DLG2: variants seen among roughly 807,000 people sequenced by gnomAD.
The protein encoded by DLG2 is disks large homolog 2.
Under a neutral mutation model 132.5 loss-of-function variants are expected in DLG2, and 45 were observed. The ratio of observed to expected loss-of-function variants is 0.34; its 90% CI spans 0.27 to 0.44. DLG2 has a LOEUF of 0.44. Ranked by LOEUF, DLG2 falls within the 20% of genes least tolerant of loss-of-function variation. DLG2 has a pLI of 1.00. For synonymous variants in DLG2, 424 were observed against 419.6 expected (o/e 1.01, Z -0.13); for missense variants, 1,045 against 1,196.9 (o/e 0.87, Z 1.87).
Position 84,827,952 on chromosome 11 carries a change from T to C in DLG2, c.357+283709A>G, listed in dbSNP as rs1241734079. On this transcript the variant is annotated intron_variant, in intron 6 of 27. Coordinates refer to ENST00000376104, the MANE Select transcript of DLG2 (RefSeq NM_001142699.3). ...AGTAGAAAGGTGCATAGGTTTTTAT[T>C]TTACTATTATGCTTCATAATGTAGA... is the stretch of plus-strand genomic sequence containing the variant. Among the ~76,000 whole-genome samples, 17 of 151,762 alleles carry C rather than the reference T, an allele frequency of 1.1e-4. 1 individual carries two copies. Among genetic ancestry groups the C allele is most frequent in the Admixed American group, 9.2e-4 (14 of 15,188 alleles).
intron 5 of DLG2, among the ~76,000 whole-genome samples, chr11:85,141,689 T>C (rs1044792756): frequency 6.6e-6 from 1 of 151,908 alleles, no homozygotes; most frequent in Non-Finnish European, 1.5e-5. Context: ...TAGTTTCAGG[T>C]CTTATATTTA....
At chr11:84,608,703 G>A (rs1218060285) in intron 6 of DLG2, among the ~76,000 whole-genome samples, 2 of 152,146 alleles carry the variant, frequency 1.3e-5, no homozygotes, top group Non-Finnish European at 2.9e-5. Flanking sequence ...CTGTGGATGT[G>A]TCTGGTCACT....
intron 2 of DLG2, among the ~76,000 whole-genome samples, chr11:85,621,680 T>C (rs1359765846): frequency 1.3e-5 from 2 of 152,222 alleles, no homozygotes; most frequent in African/African-American, 4.8e-5. Flanking sequence ...AGCCTGAAGA[T>C]GTGACTGAAT....
intron 8 of DLG2, among the ~76,000 whole-genome samples, chr11:84,220,786 T>C (rs1418504974): frequency 1.0e-4 from 14 of 136,554 alleles, no homozygotes; most frequent in South Asian, 5.1e-4. Flanking sequence ...TTTTCTTTTT[T>C]TTTTTTTTTT....
intron 21 of DLG2, 60 bp downstream of exon 21, chr11:83,532,648 A>G (rs375799223): frequency 4.0e-5 from 58 of 1,468,138 alleles, no homozygotes; most frequent in Non-Finnish European, 3.6e-5. Context: ...TAAATGTGTT[A>G]ATTATAGTTA....
chr11:85,106,252 T>C (rs1320877758), intron 6 of DLG2, among the ~76,000 whole-genome samples: 1 of 151,874 alleles, frequency 6.6e-6, no homozygotes, highest in African/African-American at 2.4e-5. Flanking sequence ...TGTTTTTAAA[T>C]GAAAAGGAAA....
chr11:84,502,620 A>G (rs948710098), intron 7 of DLG2, among the ~76,000 whole-genome samples: 3 of 151,158 alleles, frequency 2.0e-5, no homozygotes, highest in Non-Finnish European at 4.4e-5. Flanking sequence ...CTAATTTCGA[A>G]CTCCTGGCCT....
At chr11:84,934,466 T>C (rs1260255370) in intron 6 of DLG2, among the ~76,000 whole-genome samples, 2 of 147,140 alleles carry the variant, frequency 1.4e-5, no homozygotes, top group East Asian at 4.1e-4. Context: ...TCTTTGTACA[T>C]CCTCTTTGTA....
At chr11:84,094,518 TATAAA>T (rs2097140348) in intron 10 of DLG2, among the ~76,000 whole-genome samples, 1 of 152,164 alleles carries the variant, frequency 6.6e-6, no homozygotes, top group African/African-American at 2.4e-5. Context: ...GTTGGGCTAT[TATAAA>T]ATAAAATATC....
chr11:83,950,596 A>C (rs987663686), intron 14 of DLG2, among the ~76,000 whole-genome samples: 2 of 152,242 alleles, frequency 1.3e-5, no homozygotes, highest in African/African-American at 2.4e-5. Flanking sequence ...CCTGTCTCAA[A>C]AAACAAACAA....
At chr11:84,430,939 T>C (rs981928769) in intron 7 of DLG2, among the ~76,000 whole-genome samples, 5 of 152,162 alleles carry the variant, frequency 3.3e-5, no homozygotes, top group Non-Finnish European at 1.5e-5. Flanking sequence ...CACAAGCCTC[T>C]AAGAAAGGGA....
intron 15 of DLG2, among the ~76,000 whole-genome samples, chr11:83,913,780 T>C (rs888930402): frequency 6.6e-6 from 1 of 152,146 alleles, no homozygotes; most frequent in South Asian, 2.1e-4. Context: ...AGGGAGACTT[T>C]TGTTTTTTCT....
chr11:83,673,665 T>C (rs997226606), intron 18 of DLG2, among the ~76,000 whole-genome samples: 1 of 152,210 alleles, frequency 6.6e-6, no homozygotes, highest in African/African-American at 2.4e-5. Context: ...CAGCACCTAA[T>C]ACAGTGTCTT....
At chr11:84,906,576 A>C (rs931220989) in intron 6 of DLG2, among the ~76,000 whole-genome samples, 2 of 152,142 alleles carry the variant, frequency 1.3e-5, no homozygotes, top group African/African-American at 4.8e-5. Context: ...TCCTTCTACC[A>C]TTTATGACGC....
chr11:85,521,964 C>T (rs2074350508), intron 3 of DLG2, among the ~76,000 whole-genome samples: 1 of 152,090 alleles, frequency 6.6e-6, no homozygotes, highest in African/African-American at 2.4e-5. Context: ...GGGAGAAATT[C>T]AAGCCAGGTG....
At chr11:83,936,027 C>G (rs2081351945) in intron 14 of DLG2, among the ~76,000 whole-genome samples, 1 of 152,188 alleles carries the variant, frequency 6.6e-6, no homozygotes. Context: ...TTATTATTAT[C>G]TTGATTATCA....
At chr11:84,749,806 C>T (rs1298763438) in intron 6 of DLG2, among the ~76,000 whole-genome samples, 1 of 152,034 alleles carries the variant, frequency 6.6e-6, no homozygotes, top group East Asian at 1.9e-4. Context: ...CTTTGGATTC[C>T]CCCTGCTGTT....
At chr11:84,403,079 C>T (rs929476085) in intron 7 of DLG2, among the ~76,000 whole-genome samples, 3 of 151,776 alleles carry the variant, frequency 2.0e-5, no homozygotes, top group Non-Finnish European at 4.4e-5. Flanking sequence ...TGATATTTCA[C>T]CATTCTCAAG....
At chr11:85,567,262 G>A (rs2077580992) in intron 3 of DLG2, among the ~76,000 whole-genome samples, 1 of 152,144 alleles carries the variant, frequency 6.6e-6, no homozygotes, top group Admixed American at 6.6e-5. Flanking sequence ...AATACAGGAA[G>A]TATTACCATC....
Sources: allele counts gnomAD v4.1 joint callset (sites outside exome capture counted in the v4.1 genomes callset), GRCh38; gene constraint gnomAD v4.1.1; transcripts MANE v1.5; gene names NCBI Gene and HGNC (gene_info 2026-07-23, HGNC 2026-07-21).